The following SLIT3 variants were observed in gnomAD, a reference collection of about 807,000 sequenced individuals.
The protein encoded by SLIT3 is slit homolog 3 protein.
A neutral mutation model predicts 184.0 loss-of-function variants in SLIT3; 68 were observed. The observed-to-expected ratio is 0.37, with a 90% CI of 0.30 to 0.45. The LOEUF is 0.45. Ranked by LOEUF, SLIT3 falls within the 20% of genes least tolerant of loss-of-function variation. The probability of loss-of-function intolerance (pLI) is 1.00; values close to 1 mark genes in which losing one functional copy is unlikely to be tolerated. For synonymous variants in SLIT3, 831 were observed against 828.6 expected (o/e 1.00, Z -0.05); for missense variants, 1,707 against 2,026.0 (o/e 0.84, Z 3.02).
chr5:168,844,469 G>A, intron 6 of SLIT3, 115 bp downstream of exon 6: 2 of 896,874 alleles, frequency 2.2e-6, no homozygotes, highest in Non-Finnish European at 3.5e-6. Flanking sequence ...GACCAGAAAT[G>A]CATTCACACA....
intron 20 of SLIT3, among the ~76,000 whole-genome samples, chr5:168,743,834 T>C (rs564479591): frequency 6.6e-6 from 1 of 152,346 alleles, no homozygotes; most frequent in East Asian, 1.9e-4. Flanking sequence ...CAAAAACTTT[T>C]AGCGGTCTGG....
At chr5:168,997,402 G>A (rs529420609) in intron 4 of SLIT3, among the ~76,000 whole-genome samples, 1 of 152,110 alleles carries the variant, frequency 6.6e-6, no homozygotes, top group Non-Finnish European at 1.5e-5. Context: ...TGGGGTTCTG[G>A]GTTTGTGGAA....
At chr5:169,286,354 G>C (rs997051389) in intron 1 of SLIT3, among the ~76,000 whole-genome samples, 2 of 151,958 alleles carry the variant, frequency 1.3e-5, no homozygotes, top group African/African-American at 4.8e-5. Context: ...GGCTTACTGT[G>C]GAGCTGAGCT....
chr5:168,985,088 T>C (rs564061384), intron 4 of SLIT3, among the ~76,000 whole-genome samples: 2 of 152,330 alleles, frequency 1.3e-5, no homozygotes, highest in South Asian at 4.1e-4. Context: ...CCAACTGTGT[T>C]CTCTACTAGA....
chr5:169,022,444 C>T (rs62379476), intron 4 of SLIT3, among the ~76,000 whole-genome samples: 21,784 of 152,152 alleles, frequency 0.14, 2,814 homozygotes, highest in African/African-American at 0.34. Context: ...CAAGTGCCTG[C>T]TATTTAGTTT....
At chr5:169,024,972 A>G (rs565333377) in intron 4 of SLIT3, 2 of 152,316 alleles carry the variant, frequency 1.3e-5, no homozygotes, top group African/African-American at 4.8e-5. Context: ...GCAAAATTAA[A>G]TTACTTCTCA....
At chr5:168,694,010 G>A (rs975299152) in intron 28 of SLIT3, among the ~76,000 whole-genome samples, 4 of 152,124 alleles carry the variant, frequency 2.6e-5, no homozygotes, top group East Asian at 1.9e-4. Context: ...TGAGTTTCCC[G>A]GGAATGAATT....
chr5:169,032,145 A>G (rs1757050249), intron 4 of SLIT3, among the ~76,000 whole-genome samples: 1 of 152,192 alleles, frequency 6.6e-6, no homozygotes, highest in South Asian at 2.1e-4. Flanking sequence ...TAGGATGCCT[A>G]ATTCATGTCA....
intron 2 of SLIT3, among the ~76,000 whole-genome samples, chr5:169,248,204 A>T (rs1765662683): frequency 6.6e-6 from 1 of 152,052 alleles, no homozygotes; most frequent in African/African-American, 2.4e-5. Flanking sequence ...AGCCTCAAGG[A>T]ACTACACTAT....
intron 4 of SLIT3, among the ~76,000 whole-genome samples, chr5:169,115,472 G>A (rs1003441611): frequency 2.0e-5 from 3 of 152,082 alleles, no homozygotes; most frequent in Non-Finnish European, 4.4e-5. Flanking sequence ...GATAACCCTG[G>A]GCAGTAGGTA....
intron 12 of SLIT3, among the ~76,000 whole-genome samples, chr5:168,777,022 T>G (rs1759804554): frequency 6.6e-6 from 1 of 151,866 alleles, no homozygotes. Context: ...TATATGTGTT[T>G]TTTCAATCCT....
At chr5:169,115,479 G>A (rs559248663) in intron 4 of SLIT3, among the ~76,000 whole-genome samples, 3 of 152,236 alleles carry the variant, frequency 2.0e-5, no homozygotes, top group Admixed American at 1.3e-4. Flanking sequence ...CTGGGCAGTA[G>A]GTATTCCTGT....
intron 17 of SLIT3, among the ~76,000 whole-genome samples, chr5:168,753,538 T>TA (rs1303098826): frequency 6.6e-6 from 1 of 152,234 alleles, no homozygotes; most frequent in Non-Finnish European, 1.5e-5. Flanking sequence ...TCCTTATGCT[T>TA]ATGTTTGTGG....
intron 5 of SLIT3, among the ~76,000 whole-genome samples, chr5:168,851,291 C>A (rs1398723016): frequency 3.5e-5 from 5 of 144,452 alleles, no homozygotes; most frequent in Non-Finnish European, 7.4e-5. Flanking sequence ...CAACTGCACT[C>A]GAGCCTGGGC....
At chr5:168,721,104 T>C (rs1762929692) in intron 23 of SLIT3, among the ~76,000 whole-genome samples, 1 of 152,230 alleles carries the variant, frequency 6.6e-6, no homozygotes, top group African/African-American at 2.4e-5. Context: ...ATAAAATATG[T>C]TGATCACTAT....
chr5:168,710,816 T>C lies in SLIT3; in HGVS notation c.2719+79A>G, dbSNP rs116753365. 1.2e-4 allele frequency: 149 copies of C among 1,254,528 alleles called. 1 individual carries two copies. The African/African-American group carries it at 2.1e-3, about 18-fold the overall frequency. 77.7% of individuals were successfully genotyped at this position (1,254,528 alleles called of 1,614,324 possible). A position where few individuals can be genotyped will look rare whatever the true frequency, so the allele number is the denominator to read the frequency against. On this transcript the variant is annotated intron_variant, in intron 25 of 35. Coordinates refer to ENST00000519560, the MANE Select transcript of SLIT3 (RefSeq NM_003062.4). The stretch of plus-strand genomic sequence containing the variant: ...GTTTCTGAAGCCACATCTGTTGAGA[T>C]ACCCTGCTCTGACAGGTTGCTGGGA...
rs1244218725 is a variant in SLIT3 at position 168,663,022 on chromosome 5, T to G, written c.*3432A>C. 6.6e-6 allele frequency: 1 copy of G among 152,266 alleles called. No individual in the cohort carries two copies. Among genetic ancestry groups the G allele is most frequent in the Admixed American group, 6.5e-5 (1 of 15,288 alleles). 9.4% of individuals were successfully genotyped at this position (152,266 alleles called of 1,614,324 possible). On this transcript the variant is annotated 3_prime_UTR_variant, in exon 36 of 36. Transcript: ENST00000519560. ...ACTTGAGGGAGAAGGCTCAAAATTA[T>G]AAGGGACAGACCTGGCCCTTTTGCT...
chr5:169,294,608 T>C (rs1767447450), intron 1 of SLIT3, among the ~76,000 whole-genome samples: 1 of 152,306 alleles, frequency 6.6e-6, no homozygotes, highest in South Asian at 2.1e-4. Context: ...GATGAAGATA[T>C]AAAGGTAATA....
chr5:169,206,825 C>G (rs1321998312), intron 3 of SLIT3, among the ~76,000 whole-genome samples: 1 of 152,186 alleles, frequency 6.6e-6, no homozygotes, highest in African/African-American at 2.4e-5. Flanking sequence ...TTATCTGTGA[C>G]CAATTCTCAT....
Sources: gnomAD v4.1 joint callset for allele counts (sites outside exome capture counted in the v4.1 genomes callset) on GRCh38, gnomAD v4.1.1 for gene constraint, MANE v1.5 for transcripts, NCBI Gene and HGNC (gene_info 2026-07-23, HGNC 2026-07-21) for gene names.